PNPLA6: variants seen among roughly 807,000 people sequenced by gnomAD.
PNPLA6 encodes the protein patatin like domain 6, lysophospholipase.
PNPLA6 carries 105 observed loss-of-function variants against 153.7 expected under a neutral mutation model. That is an observed-to-expected ratio of 0.68 (90% confidence interval 0.58 to 0.80). The LOEUF (loss-of-function observed/expected upper bound fraction) is 0.80, where lower values mean the gene tolerates loss of function less well. PNPLA6 is among the 30% of genes least tolerant of loss of function. PNPLA6 has a pLI of 0.00. For missense variants in PNPLA6, 1,423 were observed against 1,919.3 expected, an observed-to-expected ratio of 0.74 and a Z score of 4.83; for synonymous variants, 825 against 822.2, an observed-to-expected ratio of 1.00 and a Z score of -0.06.
chr19:7,540,940 G>C lies in PNPLA6; in HGVS notation c.813G>C (p.Gln271His), dbSNP rs1281699720. 3 of 1,612,920 alleles carry C rather than the reference G, an allele frequency of 1.9e-6. No homozygotes were observed. The highest frequency in any genetic ancestry group is 1.7e-6 in the Non-Finnish European group (2 of 1,179,882). ...TCCCCCAGGGTCACCAGCATCCCCA[G>C]CGGACCGTGTCTGCCCGGGCGGCCC... ...LDVITGHQHP[Q>H]RTVSARAARD... is the part of the protein sequence containing the mutation. Residue 271 changes from glutamine (Q) to histidine (H), a missense_variant, in exon 7 of 32, where the codon CAG (glutamine) becomes CAC (histidine). This residue lies in a region of PNPLA6 where 118 missense variants were observed against 158.8 expected (regional missense o/e 0.74). Transcript: ENST00000600737. This position sits in a 1 kb window ranked among gnomAD's most constrained non-coding sequence, Gnocchi z 6.8.
At chr19:7,554,075 A>G in intron 19 of PNPLA6, 60 bp downstream of exon 19, 1 of 1,593,168 alleles carries the variant, frequency 6.3e-7, no homozygotes. Flanking sequence ...AGTGAGTGAG[A>G]GATGTTAGGG....
Position 7,541,332 on chromosome 19 carries a change from C to A in PNPLA6, c.925-22C>A. On this transcript the variant is annotated intron_variant, in intron 7 of 31. Transcript: ENST00000600737. This position sits in a 1 kb window ranked among gnomAD's most constrained non-coding sequence, Gnocchi z 5.2. Reference sequence around the variant, plus strand: ...CCCCTTACCCCGCCCCATCTTATGGCCACGCCCCTCGAGCCCTGCAGATCA... The same window carrying A: ...CCCCTTACCCCGCCCCATCTTATGGACACGCCCCTCGAGCCCTGCAGATCA... The A allele has an allele frequency of 1.2e-6, 2 of 1,607,484 alleles. No individual in the cohort carries two copies. Among genetic ancestry groups the A allele is most frequent in the Non-Finnish European group, 1.7e-6 (2 of 1,174,872 alleles).
At position 7,561,622 on chromosome 19, in the gene PNPLA6, G is replaced by A. The variant is rs541522650; in HGVS notation, c.*60G>A. 1.8e-5 allele frequency: 21 copies of A among 1,193,754 alleles called. No individual in the cohort carries two copies. The highest frequency in any genetic ancestry group is 5.5e-5 in the East Asian group (2 of 36,618). The allele number at this position is 1,193,754 out of a possible 1,614,324, so 73.9% of individuals were successfully genotyped here. A position where few individuals can be genotyped will look rare whatever the true frequency, so the allele number is the denominator to read the frequency against. On this transcript the variant is annotated 3_prime_UTR_variant, in exon 32 of 32. Coordinates refer to ENST00000600737, the MANE Select transcript of PNPLA6 (RefSeq NM_001166114.2). The stretch of plus-strand genomic sequence containing the variant: ...CCTGGACTGGGCTGGGGGTGGCCCC[G>A]TGGGGGTAGCTCACTCCCCCTCCTG...
In PNPLA6 at chr19:7,561,488, G is replaced by C. The variant is rs12974798; in HGVS notation, c.4024G>C (p.Glu1342Gln). The C allele has an allele frequency of 6.2e-7, 1 of 1,604,254 alleles. No individual in the cohort carries two copies. ...ACGTGTGTGTGACCTTCCCTCGCAG[G>C]AGGAGGAGAAGTCGATTCTCCGGCA... ...GASPSTASEM[E>Q]EEKSILRQRR... The change falls in exon 32 of 32, where the codon GAG becomes CAG. Residue 1342 changes from glutamate to glutamine, a missense_variant and splice_region_variant. Physicochemically the swap from Glu to Gln is conservative, Grantham distance 29. Around this residue, in one of 10 missense-constraint regions of PNPLA6, gnomAD observed 643 missense variants for 835.2 expected, o/e 0.77. Transcript: ENST00000600737.
intron 20 of PNPLA6, 65 bp downstream of exon 20, chr19:7,554,337 C>A: frequency 6.7e-7 from 1 of 1,490,550 alleles, no homozygotes; most frequent in South Asian, 1.1e-5. Flanking sequence ...TTCTTTCAGA[C>A]CTGAGTTCAA....
chr19:7,543,532 G>A (rs117573756), intron 13 of PNPLA6, among the ~76,000 whole-genome samples: 1,542 of 152,292 alleles, frequency 0.01, 16 homozygotes, highest in Middle Eastern at 0.017. Context: ...GCCTTGTGGC[G>A]GCACCCAGGA....
chr19:7,554,844 C>T, intron 21 of PNPLA6, 49 bp from the exon 22 acceptor site: 2 of 1,569,476 alleles, frequency 1.3e-6, no homozygotes, highest in Non-Finnish European at 1.7e-6. Context: ...CCAGGTGTGG[C>T]CAGGTGGTGG....
chr19:7,536,387 C>T (rs1338527193), intron 2 of PNPLA6, 62 bp from the exon 3 acceptor site: 5 of 1,410,712 alleles, frequency 3.5e-6, no homozygotes, highest in Non-Finnish European at 5.0e-6. Context: ...CCCCTGGATC[C>T]GTCTGCCTCT....
intron 18 of PNPLA6, among the ~76,000 whole-genome samples, chr19:7,552,864 A>C (rs688348): frequency 0.42 from 63,820 of 151,078 alleles, 14,175 homozygotes; most frequent in South Asian, 0.56. Context: ...GTGTGGCTGA[A>C]AGAGGGAGGG....
intron 13 of PNPLA6, among the ~76,000 whole-genome samples, chr19:7,545,029 CTT>C (rs112232890): frequency 7.5e-5 from 11 of 146,430 alleles, no homozygotes; most frequent in African/African-American, 7.5e-5. Flanking sequence ...CTCCTTGAAA[CTT>C]TTTTTTTTTT....
rs2023051004 is a variant in PNPLA6 at position 7,539,909 on chromosome 19, T to C, written c.414-9T>C. On this transcript the variant is annotated splice_polypyrimidine_tract_variant and intron_variant, in intron 3 of 31. Transcript: ENST00000600737. ...CCCCTCACCCCCGGCACCCCTCCCC[T>C]CCCACCAGGATCCTGCGCATCCAGA... is the stretch of plus-strand genomic sequence containing the variant. 7.8e-6 allele frequency: 8 copies of C among 1,028,642 alleles called. No homozygotes were observed. Among genetic ancestry groups the C allele is most frequent in the Non-Finnish European group, 9.6e-6 (7 of 732,300 alleles). 63.7% of individuals were successfully genotyped at this position (1,028,642 alleles called of 1,614,324 possible).
At chr19:7,539,624 G>A (rs1012277852) in intron 3 of PNPLA6, among the ~76,000 whole-genome samples, 4 of 151,788 alleles carry the variant, frequency 2.6e-5, no homozygotes, top group Admixed American at 2.0e-4. Context: ...GGGCGTGGTG[G>A]CACATGCCTG....
upstream of PNPLA6, chr19:7,534,956 GC>G (rs2022771287): frequency 6.2e-6 from 1 of 160,542 alleles, no homozygotes; most frequent in Non-Finnish European, 1.4e-5. Flanking sequence ...GTGCCTCCCA[GC>G]TCCTGGGTCT....
At chr19:7,557,582 G>A (rs969255635) in intron 27 of PNPLA6, 9 of 420,292 alleles carry the variant, frequency 2.1e-5, no homozygotes, top group African/African-American at 1.4e-4. Context: ...TCAGGAGTTT[G>A]AGACCCGCCT....
Position 7,558,923 on chromosome 19 carries a change from C to T in PNPLA6, c.3471C>T (p.Leu1157=). The change falls in exon 28 of 32, where the codon CTC becomes CTT. Residue 1157 remains leucine (L), a synonymous_variant. Coordinates refer to ENST00000600737, the MANE Select transcript of PNPLA6 (RefSeq NM_001166114.2). The part of the protein sequence containing the change: ...IDVGSQDETD[L]STYGDSLSGW... Reference sequence around the variant, plus strand: ...TGGGGAGCCAGGATGAGACGGACCTCAGCACCTACGGGGACAGCCTGTCCG... The same window carrying T: ...TGGGGAGCCAGGATGAGACGGACCTTAGCACCTACGGGGACAGCCTGTCCG... 6.2e-7 allele frequency: 1 copy of T among 1,614,130 alleles called. No homozygotes were observed. Among genetic ancestry groups the T allele is most frequent in the Non-Finnish European group, 8.5e-7 (1 of 1,180,004 alleles).
At chr19:7,544,657 T>C (rs957779315) in intron 13 of PNPLA6, among the ~76,000 whole-genome samples, 3 of 151,872 alleles carry the variant, frequency 2.0e-5, no homozygotes, top group East Asian at 3.9e-4. Context: ...TGCCCCAGGC[T>C]TGGGGGAGAG....
At chr19:7,551,307 A>T (rs961827113) in intron 17 of PNPLA6, 55 bp from the exon 18 acceptor site, 1 of 1,548,356 alleles carries the variant, frequency 6.5e-7, no homozygotes, top group African/African-American at 1.4e-5. Flanking sequence ...GAGAGGTGGG[A>T]CCTGGACAGC....
chr19:7,555,058 C>G lies in PNPLA6; in HGVS notation c.2800C>G (p.Arg934Gly). 6.3e-7 allele frequency: 1 copy of G among 1,592,848 alleles called. No homozygotes were observed. The highest frequency in any genetic ancestry group is 8.5e-7 in the Non-Finnish European group (1 of 1,177,992). Residue 934 changes from arginine (R) to glycine (G), a missense_variant, in exon 22 of 32, where the codon CGC (arginine) becomes GGC (glycine). Physicochemically the swap from Arg to Gly is moderately radical, Grantham distance 125. Coordinates refer to ENST00000600737, the MANE Select transcript of PNPLA6 (RefSeq NM_001166114.2). The surrounding 1 kb of genome is among the most constrained non-coding windows in gnomAD (Gnocchi z 6.3). ...CTGTCCGCGCCGCCTCTTTTCGCGC[C>G]GCAGCCCTGCCAAGCTGGTGAGGAG... ...LRCPRRLFSR[R>G]SPAKLHELYE...
At chr19:7,554,524 C>T (rs537387347) in intron 20 of PNPLA6, 31 bp from the exon 21 acceptor site, 2 of 1,613,544 alleles carry the variant, frequency 1.2e-6, no homozygotes, top group East Asian at 4.5e-5. Flanking sequence ...CAGGCCAACC[C>T]CAGGATGACG....
Sources: gnomAD v4.1 joint callset for allele counts (sites outside exome capture counted in the v4.1 genomes callset) on GRCh38, gnomAD v4.1.1 for gene constraint, gnomAD v4.1.1 regional missense constraint, Gnocchi (gnomAD v3.1) non-coding constraint, MANE v1.5 for transcripts, NCBI Gene and HGNC (gene_info 2026-07-23, HGNC 2026-07-21) for gene names.